The following EPM2A variants were observed in gnomAD, a reference collection of about 807,000 sequenced individuals.
The protein encoded by EPM2A is laforin.
Under a neutral mutation model 26.5 loss-of-function variants are expected in EPM2A, and 21 were observed. That is an observed-to-expected ratio of 0.79 (90% CI 0.56 to 1.14). The LOEUF is 1.14. Among genes scored for constraint, EPM2A ranks in the 50% most tolerant of loss-of-function variants. EPM2A has a pLI of 0.00. For missense variants in EPM2A, 458 were observed against 440.8 expected (o/e 1.04, Z -0.35); for synonymous variants, 217 against 177.6 (o/e 1.22, Z -1.76).
chr6:145,461,276 T>A (rs1427525998), intron 4 of EPM2A, among the ~76,000 whole-genome samples: 1 of 152,166 alleles, frequency 6.6e-6, no homozygotes, highest in Non-Finnish European at 1.5e-5. Context: ...TTGATTGAAG[T>A]GTGTGATGGA....
At chr6:145,735,058 G>C (rs1776764145) in intron 1 of EPM2A, 140 bp downstream of exon 1, 2 of 485,666 alleles carry the variant, frequency 4.1e-6, no homozygotes, top group South Asian at 8.9e-5. Context: ...GGTCGCCCGG[G>C]GAGTGCGCAG....
chr6:145,475,504 T>G (rs1375194120), intron 4 of EPM2A, among the ~76,000 whole-genome samples: 1 of 151,842 alleles, frequency 6.6e-6, no homozygotes, highest in Non-Finnish European at 1.5e-5. Flanking sequence ...AGGAGAAATA[T>G]CTAATGTAGA....
rs114595372 is a variant in EPM2A at position 145,490,761 on chromosome 6, C to G, written c.555+11761G>C. 993 of 561,854 alleles carry G rather than the reference C, an allele frequency of 1.8e-3. 5 individuals carry two copies. Among genetic ancestry groups the G allele is most frequent in the African/African-American group, 0.018 (936 of 53,208 alleles). The allele number at this position is 561,854 out of a possible 1,614,324, so 34.8% of individuals were successfully genotyped here. On this transcript the variant is annotated intron_variant, in intron 4 of 4. Coordinates refer to the EPM2A transcript ENST00000638717. ...AGTCCTTCACATGTGAAGGTTGTCA[C>G]ATGTGACAACTGACGTTCCACAGTT...
At chr6:145,606,670 T>C (rs759768501) in intron 2 of EPM2A, among the ~76,000 whole-genome samples, 23 of 152,152 alleles carry the variant, frequency 1.5e-4, no homozygotes, top group Non-Finnish European at 2.4e-4. Context: ...CCAGGAATCC[T>C]GTACTCTGTA....
intron 2 of EPM2A, among the ~76,000 whole-genome samples, chr6:145,536,200 T>C (rs998724726): frequency 6.6e-6 from 1 of 152,232 alleles, no homozygotes; most frequent in Non-Finnish European, 1.5e-5. Context: ...AGTTCATTTC[T>C]AGGATAAGAA....
At chr6:145,437,883 G>T (rs1302323736) in intron 4 of EPM2A, among the ~76,000 whole-genome samples, 1 of 152,224 alleles carries the variant, frequency 6.6e-6, no homozygotes. Context: ...TTACTTAATG[G>T]AATTTTAAGT....
chr6:145,593,714 A>T (rs1308646135), intron 2 of EPM2A, among the ~76,000 whole-genome samples: 1 of 152,050 alleles, frequency 6.6e-6, no homozygotes, highest in East Asian at 1.9e-4. Flanking sequence ...CAGAGAAATT[A>T]AGTTACTTTA....
chr6:145,652,134 G>A (rs946231561), intron 2 of EPM2A, among the ~76,000 whole-genome samples: 2 of 151,944 alleles, frequency 1.3e-5, no homozygotes, highest in Admixed American at 6.6e-5. Flanking sequence ...TTTTTCCATC[G>A]TGTTTTAACA....
intron 4 of EPM2A, chr6:145,490,362 TGCC>T: frequency 8.2e-7 from 1 of 1,226,766 alleles, no homozygotes; most frequent in Non-Finnish European, 1.2e-6. Flanking sequence ...CTTCCTTTTT[TGCC>T]TCTATTCCAG....
At chr6:145,490,612 C>T in intron 4 of EPM2A, 2 of 667,896 alleles carry the variant, frequency 3.0e-6, no homozygotes, top group South Asian at 1.4e-5. Context: ...TTTCCATGTG[C>T]TCTCCCAAAG....
At chr6:145,498,222 G>T (rs1334155692), downstream of EPM2A, among the ~76,000 whole-genome samples, 1 of 152,198 alleles carries the variant, frequency 6.6e-6, no homozygotes, top group Non-Finnish European at 1.5e-5. Flanking sequence ...AACCTGTCCT[G>T]GGAAGGCACA....
intron 4 of EPM2A, among the ~76,000 whole-genome samples, chr6:145,478,422 G>C (rs990893225): frequency 1.3e-5 from 2 of 151,586 alleles, no homozygotes; most frequent in Non-Finnish European, 3.0e-5. Flanking sequence ...AAATAGAAAA[G>C]AAAATTATAA....
intron 2 of EPM2A, among the ~76,000 whole-genome samples, chr6:145,590,776 T>C (rs1213650423): frequency 6.6e-6 from 1 of 152,026 alleles, no homozygotes; most frequent in Non-Finnish European, 1.5e-5. Context: ...AAAGGCCCAT[T>C]TACCACAGTT....
intron 2 of EPM2A, among the ~76,000 whole-genome samples, chr6:145,571,681 C>T (rs542427916): frequency 1.3e-4 from 20 of 152,296 alleles, no homozygotes; most frequent in African/African-American, 4.3e-4. Context: ...GCTGGCAAAT[C>T]GGGCACTCAG....
At chr6:145,617,353 T>A (rs948901511) in intron 2 of EPM2A, among the ~76,000 whole-genome samples, 1 of 152,184 alleles carries the variant, frequency 6.6e-6, no homozygotes, top group African/African-American at 2.4e-5. Flanking sequence ...CCCTTCCTCC[T>A]GTGTAAATAA....
intron 2 of EPM2A, among the ~76,000 whole-genome samples, chr6:145,528,704 C>T (rs1780313688): frequency 6.6e-6 from 1 of 152,130 alleles, no homozygotes; most frequent in African/African-American, 2.4e-5. Context: ...CATGTCTGCA[C>T]ACACATCTAT....
intron 4 of EPM2A, among the ~76,000 whole-genome samples, chr6:145,444,729 CG>C (rs1436432899): frequency 1.3e-5 from 2 of 152,092 alleles, no homozygotes; most frequent in Admixed American, 1.3e-4. Flanking sequence ...TGCATTAGCA[CG>C]CTATCTTATT....
chr6:145,567,071 G>A (rs1780893563), intron 2 of EPM2A, among the ~76,000 whole-genome samples: 2 of 152,108 alleles, frequency 1.3e-5, no homozygotes, highest in African/African-American at 4.8e-5. Context: ...ATCCTATTGA[G>A]TCTCCCCAAA....
intron 3 of EPM2A, chr6:145,633,657 T>C (rs1185644571): frequency 6.6e-6 from 1 of 152,242 alleles, no homozygotes; most frequent in East Asian, 1.9e-4. Context: ...AACGTAGATT[T>C]CCTGTGGTCC....
Sources: allele counts gnomAD v4.1 joint callset (sites outside exome capture counted in the v4.1 genomes callset), GRCh38; gene constraint gnomAD v4.1.1; transcripts MANE v1.5; gene names NCBI Gene and HGNC (gene_info 2026-07-23, HGNC 2026-07-21).